The following SLC25A16 variants were observed in gnomAD, a reference collection of about 807,000 sequenced individuals.
The protein encoded by SLC25A16 is mitochondrial coenzyme A transporter SLC25A16.
A neutral mutation model predicts 41.5 loss-of-function variants in SLC25A16; 39 were observed. That is an observed-to-expected ratio of 0.94 (90% CI 0.73 to 1.23). The LOEUF (loss-of-function observed/expected upper bound fraction) is 1.23. Among genes scored for constraint, SLC25A16 ranks in the 50% most tolerant of loss-of-function variants. The pLI, the probability that SLC25A16 is intolerant of heterozygous loss-of-function variation, is 0.00. For missense variants in SLC25A16, 421 were observed against 426.9 expected (o/e 0.99, Z 0.12); for synonymous variants, 146 against 147.8 (o/e 0.99, Z 0.09).
Position 68,512,498 on chromosome 10 carries a change from G to A in SLC25A16, c.223+4253C>T, listed in dbSNP as rs967530927. Among the ~76,000 whole-genome samples the A allele has an allele frequency of 8.5e-5, 11 of 129,678 alleles. 3 individuals are homozygous for A. The highest frequency in any genetic ancestry group is 3.4e-4 in the African/African-American group (11 of 32,138). The allele number at this position is 129,678 out of a possible 152,430, so 85.1% of individuals were successfully genotyped here. ...TAAAAAAATACAAAAAATTAGCCGG[G>A]CGTAGTGGCGGGCGCCTGTAGTCCC... On this transcript the variant is annotated intron_variant, in intron 2 of 8. Transcript: ENST00000609923.
intron 1 of SLC25A16, 176 bp from the exon 2 acceptor site, chr10:68,517,019 G>C: frequency 8.5e-7 from 1 of 1,172,086 alleles, no homozygotes; most frequent in South Asian, 2.0e-5. Flanking sequence ...CTTAATAAGT[G>C]AGCATGATTA....
At chr10:68,526,373 G>A (rs2053338227) in intron 1 of SLC25A16, among the ~76,000 whole-genome samples, 1 of 152,138 alleles carries the variant, frequency 6.6e-6, no homozygotes, top group African/African-American at 2.4e-5. Flanking sequence ...AAAGACCTTT[G>A]TTCACGTGTT....
chr10:68,506,568 G>A lies in SLC25A16; in HGVS notation c.357+17C>T, dbSNP rs763932966. ...ATATTCAAGAACGCAAAAGAGAAAA[G>A]ATCAAAGTTTAACTACCGTTTTATA... On this transcript the variant is annotated intron_variant, in intron 3 of 8. Coordinates refer to ENST00000609923, the MANE Select transcript of SLC25A16 (RefSeq NM_152707.4). 6 of 1,543,486 alleles carry A rather than the reference G, an allele frequency of 3.9e-6. No homozygotes were observed. In the East Asian group the frequency reaches 7.2e-5, roughly 19 times the overall value.
chr10:68,495,990 T>G (rs1308572108), intron 4 of SLC25A16, among the ~76,000 whole-genome samples: 2 of 152,084 alleles, frequency 1.3e-5, no homozygotes, highest in African/African-American at 4.8e-5. Flanking sequence ...CATATGTAAA[T>G]GCTTAAAATA....
intron 4 of SLC25A16, among the ~76,000 whole-genome samples, chr10:68,499,370 T>G (rs1399734479): frequency 6.6e-6 from 1 of 152,236 alleles, no homozygotes; most frequent in Admixed American, 6.5e-5. Flanking sequence ...CCTTCTTTTT[T>G]TCTCTACTCT....
chr10:68,488,701 A>G (rs2052606534), intron 6 of SLC25A16, 72 bp from the exon 7 acceptor site: 1 of 1,189,680 alleles, frequency 8.4e-7, no homozygotes, highest in Admixed American at 2.4e-5. Context: ...CCATTCTTAA[A>G]TAATAAACAC....
rs138751294 is a variant in SLC25A16 at position 68,489,494 on chromosome 10, A to G, written c.611-865T>C. 1.1e-3 allele frequency among the ~76,000 whole-genome samples: 168 copies of G among 152,318 alleles called. 6 individuals are homozygous for G. In the East Asian group the frequency reaches 0.023, roughly 21 times the overall value. On this transcript the variant is annotated intron_variant, in intron 6 of 8. Coordinates refer to ENST00000609923, the MANE Select transcript of SLC25A16 (RefSeq NM_152707.4). ...TTGTTAAACATTACATGATACTAGAACCATTAAGGTTGTTTATTAATAAAA... is the reference window on the plus strand; with the variant it reads ...TTGTTAAACATTACATGATACTAGAGCCATTAAGGTTGTTTATTAATAAAA...
intron 2 of SLC25A16, among the ~76,000 whole-genome samples, chr10:68,515,737 G>A (rs1196760178): frequency 6.6e-6 from 1 of 152,140 alleles, no homozygotes; most frequent in Non-Finnish European, 1.5e-5. Flanking sequence ...GGCAGAGGTT[G>A]CAGTGAGCCG....
intron 2 of SLC25A16, among the ~76,000 whole-genome samples, chr10:68,513,077 A>G (rs1284800749): frequency 1.3e-5 from 2 of 151,826 alleles, no homozygotes; most frequent in African/African-American, 4.8e-5. Context: ...TGGGCGGTGA[A>G]GTCCCACGCA....
chr10:68,500,698 A>G (rs1351730028), intron 4 of SLC25A16, among the ~76,000 whole-genome samples: 5 of 151,374 alleles, frequency 3.3e-5, no homozygotes, highest in Non-Finnish European at 5.9e-5. Flanking sequence ...TGGGAGGCCA[A>G]GGCAGGTAGA....
Position 68,496,673 on chromosome 10 carries a change from G to A in SLC25A16, c.422-3103C>T, listed in dbSNP as rs936160945. ...TTCTCTAAATTCTCATCATCTTACT[G>A]TCTCTACAGTCTAGAATCCCAGGAG... On this transcript the variant is annotated intron_variant, in intron 4 of 8. Transcript: ENST00000609923. The A allele has an allele frequency of 3.1e-6, 3 of 966,846 alleles. No individual in the cohort carries two copies. In the African/African-American group the frequency reaches 5.3e-5, roughly 17 times the overall value. 59.9% of individuals were successfully genotyped at this position (966,846 alleles called of 1,614,324 possible).
At chr10:68,510,733 G>C (rs2053048084) in intron 2 of SLC25A16, among the ~76,000 whole-genome samples, 1 of 152,168 alleles carries the variant, frequency 6.6e-6, no homozygotes, top group Non-Finnish European at 1.5e-5. Context: ...AGCTACTTGA[G>C]AGGCTGAGGC....
In SLC25A16 at chr10:68,516,896, T is replaced by C. The variant is rs193069485; in HGVS notation, c.131-53A>G. The C allele has an allele frequency of 1.2e-4, 165 of 1,388,056 alleles. 1 individual carries two copies. The Admixed American group carries it at 2.9e-3, about 24-fold the overall frequency. The allele number at this position is 1,388,056 out of a possible 1,614,324, so 86.0% of individuals were successfully genotyped here. A position where few individuals can be genotyped will look rare whatever the true frequency, so the allele number is the denominator to read the frequency against. On this transcript the variant is annotated intron_variant, in intron 1 of 8. Transcript: ENST00000609923. The stretch of plus-strand genomic sequence containing the variant: ...AAATTGCGTACCATTTCTTTCCAGA[T>C]GGAAATCATTAGTTGTTCAGCCAGC...
At position 68,485,382 on chromosome 10, in the gene SLC25A16, G is replaced by A. The variant is rs550717062; in HGVS notation, c.842+1762C>T. On this transcript the variant is annotated intron_variant, in intron 8 of 8. Coordinates refer to ENST00000609923, the MANE Select transcript of SLC25A16 (RefSeq NM_152707.4). ...TGGGATTACAGGTGTGAGCCACCGCGTCCCAGCCCTTTTTCTTTTTTAGAC... is the reference window on the plus strand; with the variant it reads ...TGGGATTACAGGTGTGAGCCACCGCATCCCAGCCCTTTTTCTTTTTTAGAC... Among the ~76,000 whole-genome samples, 8 of 151,390 alleles carry A rather than the reference G, an allele frequency of 5.3e-5. No individual in the cohort carries two copies. The South Asian group carries it at 8.3e-4, about 16-fold the overall frequency.
At chr10:68,499,999 C>A in intron 4 of SLC25A16, 1 of 396,148 alleles carries the variant, frequency 2.5e-6, no homozygotes, top group Non-Finnish European at 4.8e-6. Flanking sequence ...TTGATAAAAA[C>A]TCGAAATAAA....
intron 2 of SLC25A16, among the ~76,000 whole-genome samples, chr10:68,509,743 C>CTATATCTATCTATATA (rs1564923024): frequency 1.5e-3 from 212 of 144,664 alleles, no homozygotes; most frequent in African/African-American, 5.2e-3. Context: ...ATATATATAT[C>CTATATCTATCTATATA]TATATATATA....
intron 8 of SLC25A16, among the ~76,000 whole-genome samples, chr10:68,486,223 A>C (rs535450387): frequency 0.088 from 12,199 of 139,166 alleles, 832 homozygotes; most frequent in South Asian, 0.25. Flanking sequence ...TGTCTCAAAA[A>C]AACAAAACAA....
intron 1 of SLC25A16, among the ~76,000 whole-genome samples, chr10:68,524,757 A>G (rs1188612538): frequency 6.6e-6 from 1 of 151,614 alleles, no homozygotes; most frequent in African/African-American, 2.4e-5. Context: ...GCACGCCTGT[A>G]ATCCCAGCTA....
At position 68,482,065 on chromosome 10, in the gene SLC25A16, T is replaced by C. The variant is rs1224155805; in HGVS notation, c.*1367A>G. 1 of 152,068 alleles carries C rather than the reference T, an allele frequency of 6.6e-6. No homozygotes were observed. Among genetic ancestry groups the C allele is most frequent in the Non-Finnish European group, 1.5e-5 (1 of 68,042 alleles). The allele number at this position is 152,068 out of a possible 1,614,324, so 9.4% of individuals were successfully genotyped here. ...CCGTCTCTACTAAAAATACAAAAAT[T>C]AGCCAGGCGAATTTTTGGTGGTGGG... is the stretch of plus-strand genomic sequence containing the variant. On this transcript the variant is annotated 3_prime_UTR_variant, in exon 9 of 9. Transcript: ENST00000609923.
Sources: allele counts gnomAD v4.1 joint callset (sites outside exome capture counted in the v4.1 genomes callset), GRCh38; gene constraint gnomAD v4.1.1; transcripts MANE v1.5; gene names NCBI Gene and HGNC (gene_info 2026-07-23, HGNC 2026-07-21).